GPR137C: variants seen among roughly 807,000 people sequenced by gnomAD.
The protein encoded by GPR137C is G protein-coupled receptor 137C.
Under a neutral mutation model 43.4 loss-of-function variants are expected in GPR137C, and 27 were observed. The ratio of observed to expected loss-of-function variants is 0.62; its 90% CI spans 0.46 to 0.86. The LOEUF is 0.86. GPR137C is among the 40% of genes least tolerant of loss of function. The pLI is 0.00. For synonymous variants in GPR137C, 285 were observed against 226.9 expected, an observed-to-expected ratio of 1.26 and a Z score of -2.30; for missense variants, 522 against 534.6, an observed-to-expected ratio of 0.98 and a Z score of 0.23.
chr14:52,612,593 A>C, intron 3 of GPR137C: 8 of 813,234 alleles, frequency 9.8e-6, no homozygotes, highest in Non-Finnish European at 1.2e-5. Context: ...ACACATTCTC[A>C]CTGTGTCACC....
At chr14:52,631,246 G>A (rs2039290397) in intron 3 of GPR137C, among the ~76,000 whole-genome samples, 1 of 152,162 alleles carries the variant, frequency 6.6e-6, no homozygotes, top group African/African-American at 2.4e-5. Context: ...AAGGCCAGAG[G>A]ACAGTTAGCT....
chr14:52,600,728 A>G (rs1184451622), intron 3 of GPR137C, among the ~76,000 whole-genome samples: 1 of 152,264 alleles, frequency 6.6e-6, no homozygotes, highest in Non-Finnish European at 1.5e-5. Flanking sequence ...GAAAGAATAT[A>G]CTAAGCATGT....
rs537391859 is a variant in GPR137C, at chr14:52,583,030, C to T, written c.445-15242C>T. ...TTGACAGCCATTAACCCTTAAAATT[C>T]TTTATACTTTCATAGAAAGAATAAT... On this transcript the variant is annotated intron_variant, in intron 1 of 6. Transcript: ENST00000321662. 7.9e-5 allele frequency among the ~76,000 whole-genome samples: 12 copies of T among 152,080 alleles called. No individual in the cohort carries two copies. The South Asian group carries it at 2.5e-3, about 32-fold the overall frequency.
chr14:52,594,971 A>G (rs2038833970), intron 1 of GPR137C, among the ~76,000 whole-genome samples: 1 of 152,006 alleles, frequency 6.6e-6, no homozygotes, highest in African/African-American at 2.4e-5. Flanking sequence ...GTTTCTTTCC[A>G]TGTTTAGTGC....
intron 3 of GPR137C, among the ~76,000 whole-genome samples, chr14:52,607,063 T>C (rs148359486): frequency 0.025 from 3,794 of 152,326 alleles, 76 homozygotes; most frequent in Non-Finnish European, 0.043. Context: ...TTCAGGAACA[T>C]GTTATTTAAT....
intron 1 of GPR137C, among the ~76,000 whole-genome samples, chr14:52,574,162 G>T (rs929721058): frequency 6.6e-6 from 1 of 152,100 alleles, no homozygotes; most frequent in African/African-American, 2.4e-5. Context: ...ACAGTGTGGC[G>T]ATTCCTCAAG....
intron 3 of GPR137C, among the ~76,000 whole-genome samples, chr14:52,626,962 G>A (rs2039234667): frequency 6.6e-6 from 1 of 152,100 alleles, no homozygotes; most frequent in African/African-American, 2.4e-5. Context: ...AAAAACCAAA[G>A]AAGACCTAAA....
intron 1 of GPR137C, among the ~76,000 whole-genome samples, chr14:52,560,050 G>A (rs879558922): frequency 4.6e-5 from 7 of 152,056 alleles, no homozygotes; most frequent in Non-Finnish European, 1.0e-4. Flanking sequence ...CCAGCTACTT[G>A]GGAGGCTGAG....
chr14:52,586,936 T>C (rs1409866207), intron 1 of GPR137C, among the ~76,000 whole-genome samples: 1 of 152,036 alleles, frequency 6.6e-6, no homozygotes, highest in African/African-American at 2.4e-5. Flanking sequence ...CCCACCGTAA[T>C]GCATTTTCTA....
intron 1 of GPR137C, among the ~76,000 whole-genome samples, chr14:52,581,567 G>T (rs1397599393): frequency 2.6e-5 from 4 of 151,926 alleles, no homozygotes; most frequent in Non-Finnish European, 5.9e-5. Flanking sequence ...GAACATTGAG[G>T]AAGAGTGCAT....
intron 3 of GPR137C, chr14:52,613,246 CA>C (rs559051173): frequency 0.042 from 2,676 of 63,660 alleles, 50 homozygotes; most frequent in African/African-American, 0.12. Flanking sequence ...GACTCCACCT[CA>C]AAAAAAAAAA....
Position 52,600,112 on chromosome 14 carries a change from G to T in GPR137C, c.489-1G>T. ...CATCTAATATACTTTTTTTCTTTCA[G>T]AATTCTACTGCATTTGGGCTTTATA... is the stretch of plus-strand genomic sequence containing the variant. On this transcript the variant is annotated splice_acceptor_variant, in intron 2 of 6. Transcript: ENST00000321662. LOFTEE classifies it high-confidence loss of function. 6.2e-7 allele frequency: 1 copy of T among 1,600,678 alleles called. No homozygotes were observed.
At chr14:52,565,245 T>C (rs777237566) in intron 1 of GPR137C, among the ~76,000 whole-genome samples, 36 of 152,224 alleles carry the variant, frequency 2.4e-4, no homozygotes, top group African/African-American at 7.2e-4. Flanking sequence ...AGCAAAACTT[T>C]TGTGGATCAA....
At chr14:52,564,415 A>G (rs1158930142) in intron 1 of GPR137C, among the ~76,000 whole-genome samples, 3 of 151,984 alleles carry the variant, frequency 2.0e-5, no homozygotes, top group Non-Finnish European at 4.4e-5. Context: ...ATTCCTCACC[A>G]TTCCAGCCAC....
At chr14:52,559,172 C>T (rs780167455) in intron 1 of GPR137C, among the ~76,000 whole-genome samples, 12 of 151,972 alleles carry the variant, frequency 7.9e-5, no homozygotes, top group South Asian at 4.2e-4. Flanking sequence ...GTCAGGAGAT[C>T]GAGACCCTCC....
At chr14:52,595,997 G>T (rs186424715) in intron 1 of GPR137C, among the ~76,000 whole-genome samples, 5,560 of 152,218 alleles carry the variant, frequency 0.037, 320 homozygotes, top group African/African-American at 0.13. Flanking sequence ...TACAGATGGG[G>T]TTTTGGTGTG....
intron 3 of GPR137C, among the ~76,000 whole-genome samples, chr14:52,629,054 A>T (rs1464589907): frequency 1.3e-5 from 2 of 152,238 alleles, no homozygotes; most frequent in Non-Finnish European, 1.5e-5. Context: ...GGAAATGCAA[A>T]TTAAAACCAA....
In GPR137C at chr14:52,633,882, G is replaced by A. The variant is rs1379956962; in HGVS notation, c.1048G>A (p.Asp350Asn). 3.7e-6 allele frequency: 6 copies of A among 1,612,800 alleles called. No homozygotes were observed. Among genetic ancestry groups the A allele is most frequent in the South Asian group, 1.1e-5 (1 of 91,020 alleles). ...TTATAGTTCCAGAGCTTACTTTTTC[G>A]ACAATCCAAGACGATATGATAGTGA... ...HSYSSRAYFFDNPRRYDSDDD... is the reference protein window; with the variant it reads ...HSYSSRAYFFNNPRRYDSDDD... The change falls in exon 6 of 7, where the codon GAC becomes AAC. Residue 350 changes from aspartate to asparagine, a missense_variant. Asp to Asn is a conservative substitution (Grantham distance 23). This residue lies in a region of GPR137C where 18 missense variants were observed against 39.9 expected (regional missense o/e 0.45). Coordinates refer to ENST00000321662, the MANE Select transcript of GPR137C (RefSeq NM_001099652.2).
chr14:52,564,196 A>C (rs1456116851), intron 1 of GPR137C, among the ~76,000 whole-genome samples: 2 of 146,106 alleles, frequency 1.4e-5, no homozygotes, highest in Non-Finnish European at 3.0e-5. Context: ...AATTGCTTGA[A>C]CCTGGGAGGC....
Sources: gnomAD v4.1 joint callset for allele counts (sites outside exome capture counted in the v4.1 genomes callset) on GRCh38, gnomAD v4.1.1 for gene constraint, gnomAD v4.1.1 regional missense constraint, MANE v1.5 for transcripts, NCBI Gene and HGNC (gene_info 2026-07-23, HGNC 2026-07-21) for gene names.